Variants in PACC1 observed in about 807,000 individuals in gnomAD.
The protein encoded by PACC1 is proton activated chloride channel 1, also known as proton-activated chloride channel.
A neutral mutation model predicts 39.7 loss-of-function variants in PACC1; 34 were observed. That is an observed-to-expected ratio of 0.86 (90% CI 0.65 to 1.14). The LOEUF (loss-of-function observed/expected upper bound fraction) is 1.14. Ranked by LOEUF, PACC1 falls within the 50% of genes most tolerant of loss-of-function variation. The pLI is 0.00. For missense variants in PACC1, 379 were observed against 436.4 expected (o/e 0.87, Z 1.17); for synonymous variants, 127 against 160.6 (o/e 0.79, Z 1.58).
chr1:212,414,643 C>T (rs1010893176), intron 1 of PACC1, 79 bp downstream of exon 1: 3 of 1,563,384 alleles, frequency 1.9e-6, no homozygotes, highest in South Asian at 1.1e-5. Flanking sequence ...CCCGACACCC[C>T]CCGCCCCGCA....
Position 212,398,226 on chromosome 1 carries a change from A to T in PACC1, c.134-11126T>A, listed in dbSNP as rs148678197. 8.7e-4 allele frequency among the ~76,000 whole-genome samples: 132 copies of T among 152,366 alleles called. No individual in the cohort carries two copies. The Middle Eastern group carries it at 0.014, about 16-fold the overall frequency. ...TCTTTTGAAAAATAAATCTGAAAAG[A>T]TATACATTGAAAATAAAATGGAGGC... On this transcript the variant is annotated intron_variant, in intron 2 of 7. Transcript: ENST00000261455.
chr1:212,410,619 G>A (rs972475433), intron 1 of PACC1, 98 bp from the exon 2 acceptor site: 12 of 1,115,576 alleles, frequency 1.1e-5, no homozygotes, highest in Middle Eastern at 2.0e-4. Context: ...TCACTTAATT[G>A]TCACCAAAAA....
intron 1 of PACC1, 82 bp downstream of exon 1, chr1:212,414,640 C>G (rs1571691041): frequency 6.5e-7 from 1 of 1,538,748 alleles, no homozygotes; most frequent in Non-Finnish European, 8.9e-7. Flanking sequence ...AGCCCCGACA[C>G]CCCCCGCCCC....
rs1468189379 is a variant in PACC1, at chr1:212,386,522, C to T, written c.343+369G>A. Among the ~76,000 whole-genome samples the T allele has an allele frequency of 1.3e-5, 2 of 152,144 alleles. No individual in the cohort carries two copies. The highest frequency in any genetic ancestry group is 2.9e-5 in the Non-Finnish European group (2 of 68,020). ...CCTCTGGCCCCAGCCAAGTTAGTCT[C>T]ATCCTCTCCAGAGAAGCCCTCTGCC... On this transcript the variant is annotated intron_variant, in intron 3 of 7. Coordinates refer to ENST00000261455, the MANE Select transcript of PACC1 (RefSeq NM_018252.3). This position sits in a 1 kb window ranked among gnomAD's most constrained non-coding sequence, Gnocchi z 5.0.
intron 1 of PACC1, chr1:212,414,009 G>T: frequency 6.5e-7 from 1 of 1,535,868 alleles, no homozygotes; most frequent in Non-Finnish European, 8.7e-7. Flanking sequence ...CGGAGGAGGA[G>T]AGCAGTTTCA....
chr1:212,390,294 A>T (rs1242941909), intron 2 of PACC1, among the ~76,000 whole-genome samples: 1 of 151,934 alleles, frequency 6.6e-6, no homozygotes, highest in Non-Finnish European at 1.5e-5. Flanking sequence ...GTGGTGGTGC[A>T]TGCCTATAAT....
intron 7 of PACC1, among the ~76,000 whole-genome samples, chr1:212,369,453 CGT>C (rs1660364491): frequency 6.6e-6 from 1 of 152,082 alleles, no homozygotes; most frequent in Admixed American, 6.5e-5. Context: ...TGCCATACAG[CGT>C]ATAGTTCACC....
intron 2 of PACC1, among the ~76,000 whole-genome samples, chr1:212,398,525 T>C (rs1661600523): frequency 6.6e-6 from 1 of 152,220 alleles, no homozygotes; most frequent in Non-Finnish European, 1.5e-5. Flanking sequence ...AACAGGTTAC[T>C]GTGGGCAGTG....
Position 212,379,941 on chromosome 1 carries a change from C to G in PACC1, c.592G>C (p.Ala198Pro). The stretch of plus-strand genomic sequence containing the variant: ...GAAGAGAAGAGGAGGTAATCAATGG[C>G]GCTGAAGTCCTCACTACTCTTGTTC... ...RLNKSSEDFS[A>P]IDYLLFSSFQ... The change falls in exon 5 of 8, where the codon GCC (alanine) becomes CCC (proline). Residue 198 changes from alanine (A) to proline (P), a missense_variant. By Grantham distance (27) the Ala-to-Pro change is conservative. Transcript: ENST00000261455. 1 of 1,614,202 alleles carries G rather than the reference C, an allele frequency of 6.2e-7. No homozygotes were observed. Among genetic ancestry groups the G allele is most frequent in the Non-Finnish European group, 8.5e-7 (1 of 1,180,026 alleles).
At chr1:212,387,867 A>C (rs1212119799) in intron 2 of PACC1, 2 of 152,188 alleles carry the variant, frequency 1.3e-5, no homozygotes, top group Non-Finnish European at 2.9e-5. Context: ...CAGCCTGACC[A>C]ACATGGTGAA....
chr1:212,378,112 C>G (rs994984350), intron 5 of PACC1, among the ~76,000 whole-genome samples: 1 of 152,154 alleles, frequency 6.6e-6, no homozygotes, highest in African/African-American at 2.4e-5. Context: ...CTGAGGAAGC[C>G]CTCACCAGCC....
At chr1:212,405,697 G>A (rs556594877) in intron 2 of PACC1, among the ~76,000 whole-genome samples, 178 of 152,276 alleles carry the variant, frequency 1.2e-3, no homozygotes, top group African/African-American at 4.0e-3. Flanking sequence ...AACACCTTGC[G>A]AGACAGCTCT....
At chr1:212,403,779 G>A (rs976808478) in intron 2 of PACC1, among the ~76,000 whole-genome samples, 1 of 152,060 alleles carries the variant, frequency 6.6e-6, no homozygotes, top group Non-Finnish European at 1.5e-5. Flanking sequence ...TGCCCAGGCT[G>A]GTCTTGAACT....
intron 1 of PACC1, chr1:212,414,172 G>C: frequency 7.4e-7 from 1 of 1,355,898 alleles, no homozygotes; most frequent in Non-Finnish European, 9.7e-7. Flanking sequence ...AGAGGAGCGA[G>C]AACTAGCAGA....
In PACC1 at chr1:212,413,750, G is replaced by A. The variant is rs1334107156; in HGVS notation, c.36+972C>T. ...TCTGGGCAGACGAAGGGCAGCGTCAGGTCTGAGAAAAAAGGAATGCTCCGA... is the reference window on the plus strand; with the variant it reads ...TCTGGGCAGACGAAGGGCAGCGTCAAGTCTGAGAAAAAAGGAATGCTCCGA... On this transcript the variant is annotated intron_variant, in intron 1 of 7. Transcript: ENST00000261455. 1.4e-5 allele frequency: 12 copies of A among 871,468 alleles called. No individual in the cohort carries two copies. The East Asian group carries it at 3.3e-4, about 24-fold the overall frequency. 54.0% of individuals were successfully genotyped at this position (871,468 alleles called of 1,614,324 possible). A position where few individuals can be genotyped will look rare whatever the true frequency, so the allele number is the denominator to read the frequency against.
At chr1:212,383,220 G>A (rs1339480855) in intron 4 of PACC1, among the ~76,000 whole-genome samples, 3 of 152,236 alleles carry the variant, frequency 2.0e-5, no homozygotes, top group East Asian at 3.9e-4. Context: ...CTCTCTCTTT[G>A]TGCCCTTATT....
chr1:212,373,715 A>T (rs1458746717), intron 7 of PACC1, among the ~76,000 whole-genome samples: 1 of 152,222 alleles, frequency 6.6e-6, no homozygotes, highest in Non-Finnish European at 1.5e-5. Flanking sequence ...TTATCCCAAA[A>T]GATGATATTC....
chr1:212,410,525 A>C lies in PACC1; in HGVS notation c.37-4T>G, dbSNP rs757559151. The C allele has an allele frequency of 1.2e-6, 2 of 1,613,886 alleles. No individual in the cohort carries two copies. Among genetic ancestry groups the C allele is most frequent in the South Asian group, 2.2e-5 (2 of 91,076 alleles). The stretch of plus-strand genomic sequence containing the variant: ...CCTGGACCAACTCCTCACTCAGCTA[A>C]AGGGAGAAGCAAAGAGAGCAAAGAC... On this transcript the variant is annotated splice_region_variant and splice_polypyrimidine_tract_variant and intron_variant, in intron 1 of 7. Coordinates refer to ENST00000261455, the MANE Select transcript of PACC1 (RefSeq NM_018252.3).
chr1:212,386,829 G>T lies in PACC1; in HGVS notation c.343+62C>A, dbSNP rs1270558413. The T allele has an allele frequency of 6.6e-7, 1 of 1,520,256 alleles. No individual in the cohort carries two copies. The allele number at this position is 1,520,256 out of a possible 1,614,324, so 94.2% of individuals were successfully genotyped here. A position where few individuals can be genotyped will look rare whatever the true frequency, so the allele number is the denominator to read the frequency against. Reference sequence around the variant, plus strand: ...CACAAATACAACGGCAGCTCAGGGAGTATCTGCCAGCTGACACCCTAGATC... The same window carrying T: ...CACAAATACAACGGCAGCTCAGGGATTATCTGCCAGCTGACACCCTAGATC... On this transcript the variant is annotated intron_variant, in intron 3 of 7. Transcript: ENST00000261455. The surrounding 1 kb of genome is among the most constrained non-coding windows in gnomAD (Gnocchi z 5.0).
Sources: allele counts gnomAD v4.1 joint callset (sites outside exome capture counted in the v4.1 genomes callset), GRCh38; gene constraint gnomAD v4.1.1; non-coding constraint Gnocchi (gnomAD v3.1); transcripts MANE v1.5; gene names NCBI Gene and HGNC (gene_info 2026-07-23, HGNC 2026-07-21).